CFDP1: variants seen among roughly 807,000 people sequenced by gnomAD.
CFDP1 encodes the protein heterochromatin-stabilizing protein CFDP1.
CFDP1 carries 31 observed loss-of-function variants against 40.1 expected under a neutral mutation model. The ratio of observed to expected loss-of-function variants is 0.77; its 90% CI spans 0.58 to 1.04. CFDP1 has a LOEUF of 1.04. CFDP1 is among the 50% of genes least tolerant of loss of function. The pLI is 0.00. For synonymous variants in CFDP1, 167 were observed against 120.0 expected, an observed-to-expected ratio of 1.39 and a Z score of -2.56; for missense variants, 423 against 343.4, an observed-to-expected ratio of 1.23 and a Z score of -1.83.
intron 5 of CFDP1, chr16:75,325,060 C>A (rs1156301267): frequency 1.3e-5 from 2 of 152,166 alleles, no homozygotes; most frequent in African/African-American, 4.8e-5. Flanking sequence ...TCCATCTATA[C>A]CCACTCTTTG....
rs247428 is a variant in CFDP1 at position 75,405,470 on chromosome 16, T to A, written c.530+6355A>T. ...ATCTATACAAAAAACACAAGAGGCC[T>A]GGTGTGGTGGCTCATGCCTGTAATC... On this transcript the variant is annotated intron_variant, in intron 4 of 6. Coordinates refer to ENST00000283882, the MANE Select transcript of CFDP1 (RefSeq NM_006324.3). 3.9e-3 allele frequency among the ~76,000 whole-genome samples: 598 copies of A among 152,058 alleles called. 5 individuals are homozygous for A. The highest frequency in any genetic ancestry group is 6.8e-3 in the Non-Finnish European group (460 of 68,000).
rs796632491 is a variant in CFDP1, at chr16:75,347,359, AAAAAAG to A, written c.651-42183_651-42178del. On this transcript the variant is annotated intron_variant, in intron 5 of 6. Transcript: ENST00000283882. Reference sequence around the variant, plus strand: ...ACTCCATCTCAAAAAAAAAAAAAAAAAAAAAGAAAAAGAAAAAGAAAAAGAAAAAAG... The same window carrying A: ...ACTCCATCTCAAAAAAAAAAAAAAAAAAAAAGAAAAAGAAAAAGAAAAAAG... Among the ~76,000 whole-genome samples, 291 of 53,600 alleles carry A rather than the reference AAAAAAG, an allele frequency of 5.4e-3. 2 individuals carry two copies. The highest frequency in any genetic ancestry group is 0.01 in the African/African-American group (123 of 12,248). The allele number at this position is 53,600 out of a possible 152,430, so 35.2% of individuals were successfully genotyped here.
intron 5 of CFDP1, among the ~76,000 whole-genome samples, chr16:75,313,647 T>C (rs908704933): frequency 6.6e-6 from 1 of 152,242 alleles, no homozygotes; most frequent in Non-Finnish European, 1.5e-5. Flanking sequence ...CATGTGAGTT[T>C]TAAGGTGTGC....
intron 6 of CFDP1, among the ~76,000 whole-genome samples, chr16:75,301,487 T>C (rs2078220888): frequency 6.6e-6 from 1 of 150,394 alleles, no homozygotes; most frequent in African/African-American, 2.4e-5. Context: ...TGTGTCTTCA[T>C]TTCCTTGCTT....
chr16:75,392,497 A>C (rs1054600434), intron 5 of CFDP1, among the ~76,000 whole-genome samples: 2 of 152,070 alleles, frequency 1.3e-5, no homozygotes, highest in Non-Finnish European at 2.9e-5. Flanking sequence ...ATAAAACATT[A>C]TTTATTCTTT....
At position 75,305,174 on chromosome 16, in the gene CFDP1, C is replaced by G; in HGVS notation, c.659G>C (p.Arg220Thr). Reference sequence around the variant, plus strand: ...CAAAAGGCTGCTCATGCCACTTGATCTTTTTAACCTAAGGAAAGAAAATAT... The same window carrying G: ...CAAAAGGCTGCTCATGCCACTTGATGTTTTTAACCTAAGGAAAGAAAATAT... Reference protein sequence around the residue: ...PSLPAGSGLKRSSGMSSLLGK... With the variant: ...PSLPAGSGLKTSSGMSSLLGK... The change falls in exon 6 of 7, where the codon AGA (arginine) becomes ACA (threonine). Residue 220 changes from arginine (R) to threonine (T), a missense_variant. Arg to Thr is a moderately conservative substitution (Grantham distance 71). Coordinates refer to ENST00000283882, the MANE Select transcript of CFDP1 (RefSeq NM_006324.3). 6.2e-7 allele frequency: 1 copy of G among 1,613,706 alleles called. No homozygotes were observed. The highest frequency in any genetic ancestry group is 8.5e-7 in the Non-Finnish European group (1 of 1,179,920).
intron 5 of CFDP1, among the ~76,000 whole-genome samples, chr16:75,361,664 G>T (rs1019027597): frequency 6.6e-6 from 1 of 151,854 alleles, no homozygotes; most frequent in Non-Finnish European, 1.5e-5. Flanking sequence ...CTTAGGAAGG[G>T]ATAAACATGT....
chr16:75,409,629 T>A (rs910763627), intron 4 of CFDP1, among the ~76,000 whole-genome samples: 1 of 152,200 alleles, frequency 6.6e-6, no homozygotes, highest in Non-Finnish European at 1.5e-5. Context: ...ATGAGAGTTA[T>A]ATCGTGCTAC....
At position 75,411,733 on chromosome 16, in the gene CFDP1, GGATTGAAAAGAGGATA is replaced by G. The variant is rs1465924802; in HGVS notation, c.530+76_530+91del. On this transcript the variant is annotated intron_variant, in intron 4 of 6. Coordinates refer to ENST00000283882, the MANE Select transcript of CFDP1 (RefSeq NM_006324.3). ...TATAACTCTCCCAAAATATTATGAT[GGATTGAAAAGAGGATA>G]GATGGCTAACACCAGTTAGAGAGAG... 2.4e-6 allele frequency: 3 copies of G among 1,249,744 alleles called. No individual in the cohort carries two copies. The Admixed American group carries it at 6.9e-5, about 29-fold the overall frequency. 77.4% of individuals were successfully genotyped at this position (1,249,744 alleles called of 1,614,324 possible). A position where few individuals can be genotyped will look rare whatever the true frequency, so the allele number is the denominator to read the frequency against.
Position 75,431,329 on chromosome 16 carries a change from C to T in CFDP1, c.64+1960G>A, listed in dbSNP as rs994870808. ...ATCATTCGGGTGTGCTGGCGGGGAC[C>T]TGTAGTCCCAGCTACTCAGGAGGCT... On this transcript the variant is annotated intron_variant, in intron 1 of 6. Transcript: ENST00000283882. Among the ~76,000 whole-genome samples the T allele has an allele frequency of 3.3e-5, 5 of 151,672 alleles. No homozygotes were observed. The East Asian group carries it at 9.7e-4, about 29-fold the overall frequency.
rs1198250267 is a variant in CFDP1 at position 75,347,356 on chromosome 16, A to AG, written c.651-42175_651-42174insC. On this transcript the variant is annotated intron_variant, in intron 5 of 6. Transcript: ENST00000283882. The stretch of plus-strand genomic sequence containing the variant: ...GAGACTCCATCTCAAAAAAAAAAAA[A>AG]AAAAAAAAGAAAAAGAAAAAGAAAA... Among the ~76,000 whole-genome samples, 12 of 88,000 alleles carry AG rather than the reference A, an allele frequency of 1.4e-4. 1 individual carries two copies. The highest frequency in any genetic ancestry group is 4.6e-4 in the Admixed American group (5 of 10,880). 57.7% of individuals were successfully genotyped at this position (88,000 alleles called of 152,430 possible).
chr16:75,334,431 C>G (rs1462330463), intron 5 of CFDP1, among the ~76,000 whole-genome samples: 1 of 150,264 alleles, frequency 6.7e-6, no homozygotes, highest in African/African-American at 2.5e-5. Context: ...CTGCACTTTC[C>G]TGGGATACAA....
At chr16:75,385,817 G>T (rs371659066) in intron 5 of CFDP1, among the ~76,000 whole-genome samples, 3 of 152,174 alleles carry the variant, frequency 2.0e-5, no homozygotes, top group Non-Finnish European at 2.9e-5. Flanking sequence ...TTCATTCCTA[G>T]AGTATCATAA....
chr16:75,391,953 G>A (rs1418095693), intron 5 of CFDP1, among the ~76,000 whole-genome samples: 1 of 151,908 alleles, frequency 6.6e-6, no homozygotes, highest in Non-Finnish European at 1.5e-5. Flanking sequence ...GGACGACAGA[G>A]CAAGACTCCG....
intron 5 of CFDP1, among the ~76,000 whole-genome samples, chr16:75,343,545 AGCTAG>A (rs1385249630): frequency 1.3e-5 from 2 of 152,238 alleles, no homozygotes; most frequent in African/African-American, 4.8e-5. Flanking sequence ...ATGACAAAAC[AGCTAG>A]GCCAATTCCC....
chr16:75,408,068 C>T (rs2079118904), intron 4 of CFDP1, among the ~76,000 whole-genome samples: 1 of 148,962 alleles, frequency 6.7e-6, no homozygotes, highest in Non-Finnish European at 1.5e-5. Context: ...TGTGTCACTG[C>T]ACCACAGCCT....
intron 6 of CFDP1, among the ~76,000 whole-genome samples, chr16:75,304,761 C>T (rs1296203294): frequency 6.6e-6 from 1 of 152,228 alleles, no homozygotes; most frequent in Non-Finnish European, 1.5e-5. Flanking sequence ...AGCTGTAATT[C>T]AGCAAATTCA....
intron 5 of CFDP1, among the ~76,000 whole-genome samples, chr16:75,377,338 T>C (rs1364036995): frequency 4.6e-5 from 7 of 152,144 alleles, no homozygotes; most frequent in African/African-American, 1.7e-4. Flanking sequence ...AAGTGTGGAG[T>C]ATAATTATCA....
At chr16:75,383,410 G>C (rs1364795025) in intron 5 of CFDP1, among the ~76,000 whole-genome samples, 3 of 152,178 alleles carry the variant, frequency 2.0e-5, no homozygotes, top group African/African-American at 7.2e-5. Context: ...AAATCGCTTA[G>C]TGCTATGATT....
Sources: allele counts gnomAD v4.1 joint callset (sites outside exome capture counted in the v4.1 genomes callset), GRCh38; gene constraint gnomAD v4.1.1; transcripts MANE v1.5; gene names NCBI Gene and HGNC (gene_info 2026-07-23, HGNC 2026-07-21).